MALRD1: variants seen among roughly 807,000 people sequenced by gnomAD.
MALRD1 encodes the protein MAM and LDL-receptor class A domain-containing protein 1.
MALRD1 carries 247 observed loss-of-function variants against 242.1 expected under a neutral mutation model. That is an observed-to-expected ratio of 1.02 (90% CI 0.92 to 1.13). MALRD1 has a LOEUF of 1.13. MALRD1 is among the 50% of genes most tolerant of loss of function. The pLI, the probability that MALRD1 is intolerant of heterozygous loss-of-function variation, is 0.00. For synonymous variants in MALRD1, 995 were observed against 866.6 expected (o/e 1.15, Z -2.60); for missense variants, 2,989 against 2,533.1 (o/e 1.18, Z -3.86).
intron 14 of MALRD1, among the ~76,000 whole-genome samples, chr10:19,197,004 A>G (rs1836291835): frequency 6.6e-6 from 1 of 152,136 alleles, no homozygotes; most frequent in Admixed American, 6.6e-5. Context: ...AAGAAGTTTA[A>G]TTGACTCACG....
In MALRD1 at chr10:19,263,487, T is replaced by G. The variant is rs117399730; in HGVS notation, c.3079+5716T>G. On this transcript the variant is annotated intron_variant, in intron 19 of 39. Coordinates refer to ENST00000454679, the MANE Select transcript of MALRD1 (RefSeq NM_001142308.3). ...TTTGCCCCTCTTAAAATTGGATTAT[T>G]TGTTGTTTTTTTTTGTTTTGTTTGT... Among the ~76,000 whole-genome samples the G allele has an allele frequency of 0.014, 2,176 of 151,872 alleles. 81 individuals carry two copies. The East Asian group carries it at 0.16, about 12-fold the overall frequency.
chr10:19,231,469 T>C (rs1371001635), intron 18 of MALRD1, among the ~76,000 whole-genome samples: 3 of 152,176 alleles, frequency 2.0e-5, no homozygotes, highest in South Asian at 4.1e-4. Context: ...TCTGCCTGAA[T>C]CTCACCTTGA....
intron 11 of MALRD1, among the ~76,000 whole-genome samples, chr10:19,153,207 C>A (rs959469959): frequency 6.6e-6 from 1 of 152,158 alleles, no homozygotes; most frequent in Non-Finnish European, 1.5e-5. Context: ...TTTTGGATAA[C>A]AATTTCAAAT....
chr10:19,576,964 GTTT>G (rs11331552), intron 33 of MALRD1, among the ~76,000 whole-genome samples: 15 of 123,396 alleles, frequency 1.2e-4, no homozygotes, highest in Middle Eastern at 4.2e-3. Flanking sequence ...CCACATTGTC[GTTT>G]TTTTTTTTTT....
chr10:19,562,454 T>A (rs1337569857), intron 32 of MALRD1, among the ~76,000 whole-genome samples: 1 of 152,004 alleles, frequency 6.6e-6, no homozygotes, highest in Non-Finnish European at 1.5e-5. Context: ...ACCTTCAGAG[T>A]ATTTAACTTT....
intron 26 of MALRD1, among the ~76,000 whole-genome samples, chr10:19,373,221 T>A (rs112818569): frequency 0.088 from 8,728 of 99,514 alleles, 234 homozygotes; most frequent in African/African-American, 0.17. Context: ...AAAAAAAAAA[T>A]AAGGGGCCGG....
intron 29 of MALRD1, chr10:19,491,279 G>T (rs768174233): frequency 1.4e-6 from 1 of 700,854 alleles, no homozygotes; most frequent in Non-Finnish European, 2.3e-6. Context: ...TCACAGGCAA[G>T]GAGATTTTCA....
At chr10:19,306,404 G>A (rs4512732) in intron 21 of MALRD1, among the ~76,000 whole-genome samples, 73 of 82,394 alleles carry the variant, frequency 8.9e-4, no homozygotes, top group African/African-American at 1.5e-3. Context: ...TGTCGTATAT[G>A]TACCGTGTAT....
upstream of MALRD1, among the ~76,000 whole-genome samples, chr10:19,048,514 A>G (rs1201703518): frequency 6.6e-6 from 1 of 152,238 alleles, no homozygotes; most frequent in Non-Finnish European, 1.5e-5. Context: ...TCTAAATTAC[A>G]CAAATGTGAT....
chr10:19,352,164 C>G lies in MALRD1; in HGVS notation c.4308C>G (p.Phe1436Leu). ...EELSLFGDED[F>L]QLKFEGRVGK... is the part of the protein sequence containing the mutation. ...TGTCACTGTTTGGTGATGAAGACTT[C>G]CAACTCAAATTTGAAGGTAGAGTTG... Residue 1436 changes from phenylalanine (F) to leucine (L), a missense_variant, in exon 26 of 40, where the codon TTC (phenylalanine) becomes TTG (leucine). Coordinates refer to ENST00000454679, the MANE Select transcript of MALRD1 (RefSeq NM_001142308.3). 6.4e-7 allele frequency: 1 copy of G among 1,550,496 alleles called. No homozygotes were observed.
intron 28 of MALRD1, among the ~76,000 whole-genome samples, chr10:19,445,086 A>C (rs1469088975): frequency 6.6e-6 from 1 of 152,068 alleles, no homozygotes. Context: ...CCTTTCTTCC[A>C]GTTGATTGAA....
In MALRD1 at chr10:19,125,314, CTTCCTTCCTTCTTTCTTTCT is replaced by C. The variant is rs746571542; in HGVS notation, c.943+648_943+667del. ...CTTTCCTTCCTTCCTTCCTTCCTTC[CTTCCTTCCTTCTTTCTTTCT>C]TTCTTTCTTTCTTTCTTTCTTTCTT... On this transcript the variant is annotated intron_variant, in intron 7 of 39. Coordinates refer to ENST00000454679, the MANE Select transcript of MALRD1 (RefSeq NM_001142308.3). Among the ~76,000 whole-genome samples, 43 of 79,470 alleles carry C rather than the reference CTTCCTTCCTTCTTTCTTTCT, an allele frequency of 5.4e-4. No individual in the cohort carries two copies. The South Asian group carries it at 0.013, about 23-fold the overall frequency. The allele number at this position is 79,470 out of a possible 152,430, so 52.1% of individuals were successfully genotyped here. A position where few individuals can be genotyped will look rare whatever the true frequency, so the allele number is the denominator to read the frequency against.
intron 10 of MALRD1, among the ~76,000 whole-genome samples, chr10:19,140,878 G>A (rs7083146): frequency 0.29 from 43,884 of 151,936 alleles, 6,797 homozygotes; most frequent in South Asian, 0.46. Flanking sequence ...ACAGCCTGGT[G>A]ACTATAGTTA....
intron 1 of MALRD1, among the ~76,000 whole-genome samples, chr10:19,055,905 A>T (rs1453277838): frequency 6.6e-6 from 1 of 152,198 alleles, no homozygotes; most frequent in Non-Finnish European, 1.5e-5. Context: ...TATTCTTATT[A>T]CCTGGGTAGC....
intron 5 of MALRD1, among the ~76,000 whole-genome samples, chr10:19,106,476 G>T (rs1836467983): frequency 6.6e-6 from 1 of 151,712 alleles, no homozygotes; most frequent in African/African-American, 2.4e-5. Context: ...TGTGCAACCA[G>T]TCATAATAGC....
chr10:19,100,923 C>A (rs1419078807), intron 4 of MALRD1, among the ~76,000 whole-genome samples: 1 of 151,918 alleles, frequency 6.6e-6, no homozygotes, highest in Admixed American at 6.6e-5. Context: ...GGGACTATCT[C>A]TATGAAAAAG....
chr10:19,611,960 C>T (rs1252253766), intron 35 of MALRD1, among the ~76,000 whole-genome samples: 2 of 152,014 alleles, frequency 1.3e-5, no homozygotes, highest in African/African-American at 4.8e-5. Flanking sequence ...TTTAGATTCA[C>T]ACAGAATTAT....
intron 13 of MALRD1, among the ~76,000 whole-genome samples, chr10:19,171,920 A>G (rs1290972357): frequency 7.9e-6 from 1 of 127,250 alleles, no homozygotes; most frequent in East Asian, 2.1e-4. Context: ...TATGATATAT[A>G]CATATATGTG....
At chr10:19,181,061 G>A (rs151027737) in intron 14 of MALRD1, among the ~76,000 whole-genome samples, 211 of 151,732 alleles carry the variant, frequency 1.4e-3, no homozygotes, top group Middle Eastern at 6.8e-3. Flanking sequence ...AAAAAAAAGC[G>A]TAACACATTT....
Sources: allele counts gnomAD v4.1 joint callset (sites outside exome capture counted in the v4.1 genomes callset), GRCh38; gene constraint gnomAD v4.1.1; transcripts MANE v1.5; gene names NCBI Gene and HGNC (gene_info 2026-07-23, HGNC 2026-07-21).